FOXP2: variants seen among roughly 807,000 people sequenced by gnomAD.
The protein encoded by FOXP2 is forkhead box protein P2.
In FOXP2, 12 loss-of-function variants were observed where a neutral mutation model predicts 115.8. That is an observed-to-expected ratio of 0.10 (90% CI 0.07 to 0.17). The LOEUF (loss-of-function observed/expected upper bound fraction) is 0.17, where lower values mean the gene tolerates loss of function less well. Ranked by LOEUF, FOXP2 falls within the 10% of genes least tolerant of loss-of-function variation. The pLI, the probability that FOXP2 is intolerant of heterozygous loss-of-function variation, is 1.00. For synonymous variants in FOXP2, 328 were observed against 297.7 expected, an observed-to-expected ratio of 1.10 and a Z score of -1.05; for missense variants, 629 against 843.5, an observed-to-expected ratio of 0.75 and a Z score of 3.15.
At chr7:114,461,293 A>T (rs984243531) in intron 2 of FOXP2, among the ~76,000 whole-genome samples, 5 of 152,066 alleles carry the variant, frequency 3.3e-5, no homozygotes, top group African/African-American at 1.2e-4. Flanking sequence ...TCTGATAATA[A>T]TTTCATTTTG....
chr7:114,642,590 G>C lies in FOXP2; in HGVS notation c.956G>C (p.Gly319Ala). 6.2e-7 allele frequency: 1 copy of C among 1,613,538 alleles called. No individual in the cohort carries two copies. The highest frequency in any genetic ancestry group is 8.5e-7 in the Non-Finnish European group (1 of 1,179,874). The change falls in exon 7 of 17, where the codon GGA becomes GCA. Residue 319 changes from glycine to alanine, a missense_variant. Physicochemically the swap from Gly to Ala is moderately conservative, Grantham distance 60. Around this residue, in one of 9 missense-constraint regions of FOXP2, gnomAD observed 92 missense variants for 80.1 expected, o/e 1.15. Transcript: ENST00000350908. ...ATAACTCATCATTCCATAGTGAATG[G>C]ACAGTCTTCAGTTCTAAGTGCAAGA... ...PPITHHSIVN[G>A]QSSVLSARRD...
intron 1 of FOXP2, among the ~76,000 whole-genome samples, chr7:114,188,710 T>C (rs1793678123): frequency 6.6e-6 from 1 of 152,154 alleles, no homozygotes; most frequent in South Asian, 2.1e-4. Flanking sequence ...CCACCTCAAA[T>C]ATGTTTGTTT....
At position 114,371,337 on chromosome 7, in the gene FOXP2, C is replaced by T. The variant is rs922246141; in HGVS notation, c.-10-55165C>T. 2.0e-5 allele frequency among the ~76,000 whole-genome samples: 3 copies of T among 151,868 alleles called. No individual in the cohort carries two copies. The East Asian group carries it at 5.8e-4, about 29-fold the overall frequency. ...CTGGGCTCAAGTGATCCTCCTGCCTCAGCCTCCCAAAGTACTGGTATTACA... is the reference window on the plus strand; with the variant it reads ...CTGGGCTCAAGTGATCCTCCTGCCTTAGCCTCCCAAAGTACTGGTATTACA... On this transcript the variant is annotated intron_variant, in intron 2 of 17. Transcript: ENST00000634411.
chr7:114,459,166 G>C (rs1365330921), intron 2 of FOXP2, among the ~76,000 whole-genome samples: 2 of 152,156 alleles, frequency 1.3e-5, no homozygotes, highest in Non-Finnish European at 2.9e-5. Context: ...GCTAGGCCCA[G>C]AACTGGCAAA....
chr7:114,445,312 C>A (rs1794784866), intron 2 of FOXP2, among the ~76,000 whole-genome samples: 1 of 152,012 alleles, frequency 6.6e-6, no homozygotes, highest in African/African-American at 2.4e-5. Flanking sequence ...CTTTTTATTC[C>A]CTGTAAATAA....
At chr7:114,639,745 A>C (rs1168760029) in intron 6 of FOXP2, among the ~76,000 whole-genome samples, 1 of 152,196 alleles carries the variant, frequency 6.6e-6, no homozygotes, top group East Asian at 1.9e-4. Flanking sequence ...AGGCTGGTAT[A>C]ACAGAATGAA....
In FOXP2 at chr7:114,648,281, G is replaced by T. The variant is rs191168060; in HGVS notation, c.1094+3492G>T. On this transcript the variant is annotated intron_variant, in intron 8 of 16. Coordinates refer to ENST00000350908, the MANE Select transcript of FOXP2 (RefSeq NM_014491.4). ...TTGGTGACAGTGCCCCCCCATCTCT[G>T]AAAACTAAGGCATCTCACATAATCA... Among the ~76,000 whole-genome samples the T allele has an allele frequency of 2.0e-5, 3 of 152,100 alleles. No individual in the cohort carries two copies. In the East Asian group the frequency reaches 5.8e-4, roughly 29 times the overall value.
chr7:114,244,350 C>A (rs997537745), intron 1 of FOXP2, among the ~76,000 whole-genome samples: 3 of 152,228 alleles, frequency 2.0e-5, no homozygotes, highest in Admixed American at 6.5e-5. Context: ...TTCTGGATAC[C>A]ACATCATCCA....
intron 2 of FOXP2, among the ~76,000 whole-genome samples, chr7:114,333,040 C>G (rs1297924696): frequency 1.3e-5 from 2 of 151,434 alleles, no homozygotes; most frequent in Non-Finnish European, 2.9e-5. Flanking sequence ...CTTTCTACCA[C>G]AAAACGAAAC....
intron 1 of FOXP2, among the ~76,000 whole-genome samples, chr7:114,151,433 G>T (rs565858334): frequency 2.0e-5 from 3 of 152,064 alleles, no homozygotes; most frequent in African/African-American, 7.2e-5. Context: ...AGAAGTCATT[G>T]ATTATTTTTA....
intron 2 of FOXP2, among the ~76,000 whole-genome samples, chr7:114,527,154 T>C (rs1010242299): frequency 6.6e-6 from 1 of 152,160 alleles, no homozygotes; most frequent in Non-Finnish European, 1.5e-5. Context: ...TTCACTTTTA[T>C]GGACAAATAT....
intron 8 of FOXP2, chr7:114,645,817 C>T (rs889384875): frequency 3.3e-5 from 5 of 152,072 alleles, no homozygotes; most frequent in Non-Finnish European, 7.4e-5. Flanking sequence ...ATCACAATAA[C>T]TTTATAAATG....
At chr7:114,382,917 C>T (rs1264550490) in intron 2 of FOXP2, among the ~76,000 whole-genome samples, 1 of 152,132 alleles carries the variant, frequency 6.6e-6, no homozygotes, top group South Asian at 2.1e-4. Context: ...CCTAGTTTTC[C>T]TCAGTCCTTC....
intron 2 of FOXP2, among the ~76,000 whole-genome samples, chr7:114,351,878 A>T (rs751902857): frequency 2.6e-4 from 39 of 152,182 alleles, no homozygotes; most frequent in Non-Finnish European, 1.6e-4. Context: ...ATAGTACTAT[A>T]TTATTCTAAT....
At chr7:114,432,235 A>G (rs1364378213) in intron 2 of FOXP2, among the ~76,000 whole-genome samples, 2 of 151,972 alleles carry the variant, frequency 1.3e-5, no homozygotes, top group Non-Finnish European at 2.9e-5. Flanking sequence ...CCTATAATCC[A>G]TATAGTCTAC....
At chr7:114,530,949 C>CT (rs1562979893) in intron 2 of FOXP2, among the ~76,000 whole-genome samples, 1 of 151,676 alleles carries the variant, frequency 6.6e-6, no homozygotes, top group Non-Finnish European at 1.5e-5. Flanking sequence ...AAGATTATTT[C>CT]TTTTTTCAAA....
At chr7:114,355,742 C>T (rs1363375019) in intron 2 of FOXP2, among the ~76,000 whole-genome samples, 1 of 152,038 alleles carries the variant, frequency 6.6e-6, no homozygotes, top group Non-Finnish European at 1.5e-5. Context: ...AATATGATGG[C>T]CGGGGCTAGT....
At chr7:114,579,493 C>A (rs1314340190) in intron 3 of FOXP2, among the ~76,000 whole-genome samples, 1 of 152,070 alleles carries the variant, frequency 6.6e-6, no homozygotes, top group Non-Finnish European at 1.5e-5. Flanking sequence ...CTGTCGCCCA[C>A]CCCAAACTAG....
chr7:114,643,788 C>G (rs966663792), intron 7 of FOXP2, among the ~76,000 whole-genome samples: 4 of 152,060 alleles, frequency 2.6e-5, no homozygotes, highest in African/African-American at 9.7e-5. Flanking sequence ...AACATAATGG[C>G]TTAGGCTTAT....
Sources: allele counts gnomAD v4.1 joint callset (sites outside exome capture counted in the v4.1 genomes callset), GRCh38; gene constraint gnomAD v4.1.1; regional missense constraint gnomAD v4.1.1; transcripts MANE v1.5; gene names NCBI Gene and HGNC (gene_info 2026-07-23, HGNC 2026-07-21).